SGCZ: variants seen among roughly 807,000 people sequenced by gnomAD.
SGCZ encodes sarcoglycan zeta.
A neutral mutation model predicts 41.3 loss-of-function variants in SGCZ; 40 were observed. That is an observed-to-expected ratio of 0.97 (90% CI 0.75 to 1.26). SGCZ has a LOEUF of 1.26. Ranked by LOEUF, SGCZ falls within the 50% of genes most tolerant of loss-of-function variation. The pLI, the probability that SGCZ is intolerant of heterozygous loss-of-function variation, is 0.00. For synonymous variants in SGCZ, 206 were observed against 137.5 expected (o/e 1.50, Z -3.49); for missense variants, 552 against 369.8 (o/e 1.49, Z -4.04).
chr8:15,145,065 T>G (rs1799001585), intron 1 of SGCZ, among the ~76,000 whole-genome samples: 1 of 152,296 alleles, frequency 6.6e-6, no homozygotes, highest in East Asian at 1.9e-4. Context: ...ACTTCATCTT[T>G]AAATGATTGC....
chr8:14,734,194 C>A (rs1585218254), intron 1 of SGCZ, among the ~76,000 whole-genome samples: 1 of 152,216 alleles, frequency 6.6e-6, no homozygotes, highest in East Asian at 1.9e-4. Flanking sequence ...ACTCTGGCAG[C>A]TGGCCGAAAA....
chr8:14,625,715 G>T (rs28624754), intron 1 of SGCZ, among the ~76,000 whole-genome samples: 1 of 151,956 alleles, frequency 6.6e-6, no homozygotes, highest in Non-Finnish European at 1.5e-5. Flanking sequence ...AAAGGCATGA[G>T]CCAGCACACC....
intron 1 of SGCZ, among the ~76,000 whole-genome samples, chr8:14,853,814 G>C (rs994135426): frequency 6.6e-6 from 1 of 151,790 alleles, no homozygotes. Context: ...TCCTTTCTCT[G>C]TTCTTTCTTC....
chr8:14,746,110 T>C (rs537330508), intron 1 of SGCZ, among the ~76,000 whole-genome samples: 2 of 152,186 alleles, frequency 1.3e-5, no homozygotes, highest in South Asian at 4.1e-4. Context: ...AATATCGATC[T>C]ATAAATATAT....
chr8:14,321,849 T>C (rs9694843), intron 3 of SGCZ, among the ~76,000 whole-genome samples: 76,624 of 151,704 alleles, frequency 0.51, 19,604 homozygotes, highest in East Asian at 0.55. Context: ...AAAAACATCA[T>C]TTCTGCTTTC....
intron 1 of SGCZ, among the ~76,000 whole-genome samples, chr8:15,221,106 T>A (rs527999711): frequency 6.6e-6 from 1 of 152,266 alleles, no homozygotes; most frequent in East Asian, 1.9e-4. Context: ...GGCACATGTA[T>A]ACCTATGTAA....
chr8:14,215,193 A>T (rs1805952907), intron 4 of SGCZ, among the ~76,000 whole-genome samples: 1 of 152,208 alleles, frequency 6.6e-6, no homozygotes, highest in African/African-American at 2.4e-5. Flanking sequence ...TCAAACTAGA[A>T]ATCAATATTA....
intron 6 of SGCZ, among the ~76,000 whole-genome samples, chr8:14,103,897 T>A (rs910473949): frequency 4.6e-5 from 7 of 152,174 alleles, no homozygotes; most frequent in African/African-American, 1.4e-4. Flanking sequence ...TATCTAAATG[T>A]CAAAATTTGA....
intron 1 of SGCZ, among the ~76,000 whole-genome samples, chr8:15,119,597 G>T (rs770065682): frequency 6.8e-6 from 1 of 147,874 alleles, no homozygotes; most frequent in Non-Finnish European, 1.5e-5. Context: ...TCATAAAATC[G>T]GGTCAGAGTG....
intron 1 of SGCZ, among the ~76,000 whole-genome samples, chr8:14,971,910 G>C (rs760051325): frequency 6.6e-6 from 1 of 151,834 alleles, no homozygotes; most frequent in Non-Finnish European, 1.5e-5. Context: ...GGCCTCCCAT[G>C]ATTTTATATA....
In SGCZ at chr8:15,219,005, A is replaced by C. The variant is rs149373340; in HGVS notation, c.39+18580T>G. 1.5e-3 allele frequency among the ~76,000 whole-genome samples: 226 copies of C among 152,284 alleles called. 7 individuals carry two copies. The highest frequency in any genetic ancestry group is 0.013 in the Admixed American group (206 of 15,302). ...GGGTTCTCAAAGATCGTTAGATTAC[A>C]TTCGTTTTCTCCTCCAACAAACACG... On this transcript the variant is annotated intron_variant, in intron 1 of 7. Transcript: ENST00000382080.
intron 5 of SGCZ, among the ~76,000 whole-genome samples, chr8:14,134,458 A>G (rs540743648): frequency 6.6e-6 from 1 of 152,358 alleles, no homozygotes; most frequent in Admixed American, 6.5e-5. Context: ...ATATTTGACT[A>G]TATCTCAATA....
chr8:14,400,194 C>T (rs1014379811), intron 2 of SGCZ, among the ~76,000 whole-genome samples: 5 of 128,022 alleles, frequency 3.9e-5, no homozygotes, highest in Non-Finnish European at 8.3e-5. Flanking sequence ...TGTATTGATA[C>T]TTCATTTATT....
At chr8:14,911,923 T>C (rs1489727139) in intron 1 of SGCZ, among the ~76,000 whole-genome samples, 1 of 151,976 alleles carries the variant, frequency 6.6e-6, no homozygotes, top group Non-Finnish European at 1.5e-5. Context: ...CAATGATAAA[T>C]GGATTTTGCA....
intron 3 of SGCZ, among the ~76,000 whole-genome samples, chr8:14,301,854 G>A (rs540551842): frequency 1.3e-5 from 2 of 151,872 alleles, no homozygotes; most frequent in East Asian, 1.9e-4. Flanking sequence ...TAGAAAATGG[G>A]GATTTTTAAA....
intron 3 of SGCZ, among the ~76,000 whole-genome samples, chr8:14,244,914 G>C (rs1468082105): frequency 1.3e-5 from 2 of 151,926 alleles, no homozygotes; most frequent in African/African-American, 4.8e-5. Context: ...TGGTGTATAA[G>C]AATGCTTGTG....
At chr8:14,713,705 A>AAT (rs1809596330) in intron 1 of SGCZ, among the ~76,000 whole-genome samples, 1 of 136,590 alleles carries the variant, frequency 7.3e-6, no homozygotes, top group South Asian at 2.1e-4. Flanking sequence ...GAAAAAAAAA[A>AAT]AAGCTAAAGA....
intron 2 of SGCZ, among the ~76,000 whole-genome samples, chr8:14,496,835 A>G (rs1802001971): frequency 6.6e-6 from 1 of 152,220 alleles, no homozygotes; most frequent in Admixed American, 6.5e-5. Context: ...TGTATAAACA[A>G]GAGTGTATAC....
chr8:14,151,641 C>T (rs973944457), intron 5 of SGCZ, among the ~76,000 whole-genome samples: 14 of 151,638 alleles, frequency 9.2e-5, no homozygotes, highest in African/African-American at 3.4e-4. Context: ...AGACCCAAGC[C>T]CAAGAATAAC....
Sources: gnomAD v4.1 joint callset for allele counts (sites outside exome capture counted in the v4.1 genomes callset) on GRCh38, gnomAD v4.1.1 for gene constraint, MANE v1.5 for transcripts, NCBI Gene and HGNC (gene_info 2026-07-23, HGNC 2026-07-21) for gene names.